Variants in GPHN observed in about 807,000 individuals in gnomAD.
The protein encoded by GPHN is gephyrin.
GPHN carries 17 observed loss-of-function variants against 95.5 expected under a neutral mutation model. The ratio of observed to expected loss-of-function variants is 0.18; its 90% CI spans 0.12 to 0.27. The LOEUF is 0.27. GPHN is among the 10% of genes least tolerant of loss of function. The pLI is 1.00. For missense variants in GPHN, 660 were observed against 978.1 expected (o/e 0.67, Z 4.34); for synonymous variants, 320 against 322.5 (o/e 0.99, Z 0.08).
the GPHN span, among the ~76,000 whole-genome samples, chr14:67,664,761 C>T: frequency 6.6e-6 from 1 of 152,138 alleles, no homozygotes; most frequent in Non-Finnish European, 1.5e-5. Flanking sequence ...AGCCTTTCCG[C>T]TGCAAAAGAG....
At chr14:67,332,799 T>C in the GPHN span, 55 of 1,611,226 alleles carry the variant, frequency 3.4e-5, no homozygotes, top group Non-Finnish European at 4.4e-5. Flanking sequence ...TTGAGAGAAA[T>C]CATTGAGAAG....
chr14:67,347,174 G>A, the GPHN span, among the ~76,000 whole-genome samples: 1 of 152,042 alleles, frequency 6.6e-6, no homozygotes, highest in Non-Finnish European at 1.5e-5. Context: ...TTGTAGAGAT[G>A]GAGATTTGCC....
At chr14:66,540,367 G>A (rs1192007727) in intron 1 of GPHN, among the ~76,000 whole-genome samples, 1 of 152,220 alleles carries the variant, frequency 6.6e-6, no homozygotes, top group Non-Finnish European at 1.5e-5. Context: ...TTACTCTTAT[G>A]GGAGTGCTGT....
chr14:67,476,646 T>C, the GPHN span, among the ~76,000 whole-genome samples: 6 of 152,250 alleles, frequency 3.9e-5, no homozygotes, highest in African/African-American at 1.4e-4. Flanking sequence ...AAAATTTTAC[T>C]CCCATTTTTT....
intron 2 of GPHN, among the ~76,000 whole-genome samples, chr14:66,701,238 T>A (rs938278226): frequency 6.1e-5 from 9 of 148,316 alleles, no homozygotes; most frequent in Non-Finnish European, 1.5e-5. Context: ...CAAAAATGTA[T>A]ACTGTTGTGC....
chr14:67,222,156 C>T, the GPHN span: 1 of 232,464 alleles, frequency 4.3e-6, no homozygotes, highest in African/African-American at 2.3e-5. Flanking sequence ...AATCATAGGA[C>T]CTGCCATCCT....
chr14:67,198,736 G>A, the GPHN span, among the ~76,000 whole-genome samples: 1 of 152,114 alleles, frequency 6.6e-6, no homozygotes, highest in African/African-American at 2.4e-5. Context: ...GATGGTGTCG[G>A]GGAGAAAAGC....
chr14:66,730,532 C>CA (rs1269317522), intron 2 of GPHN, among the ~76,000 whole-genome samples: 1 of 151,870 alleles, frequency 6.6e-6, no homozygotes, highest in African/African-American at 2.4e-5. Context: ...TGTGGATAGA[C>CA]AAAAAAGTTA....
chr14:67,016,389 T>C (rs2153620992), intron 9 of GPHN, among the ~76,000 whole-genome samples: 1 of 152,192 alleles, frequency 6.6e-6, no homozygotes, highest in South Asian at 2.1e-4. Flanking sequence ...ATCTAATAAC[T>C]ACTATAATTT....
the GPHN span, among the ~76,000 whole-genome samples, chr14:67,311,814 A>G: frequency 1.3e-5 from 2 of 152,254 alleles, no homozygotes; most frequent in Admixed American, 1.3e-4. Flanking sequence ...CAAAGCCTAC[A>G]TAGCATACAA....
intron 1 of GPHN, among the ~76,000 whole-genome samples, chr14:66,662,530 A>G (rs1370069999): frequency 6.6e-6 from 1 of 152,212 alleles, no homozygotes; most frequent in Non-Finnish European, 1.5e-5. Context: ...AATCAGCACA[A>G]GAACGCTGAA....
chr14:67,348,668 C>T, the GPHN span, among the ~76,000 whole-genome samples: 4 of 150,776 alleles, frequency 2.7e-5, no homozygotes, highest in Admixed American at 6.6e-5. Context: ...GCTACAGGCG[C>T]GTGCCACCAA....
chr14:66,785,157 C>T (rs2059729201), intron 3 of GPHN, among the ~76,000 whole-genome samples: 2 of 152,090 alleles, frequency 1.3e-5, no homozygotes, highest in Non-Finnish European at 2.9e-5. Flanking sequence ...CACCTGAGGT[C>T]GGGAGTTCTA....
At chr14:67,693,527 A>C in the GPHN span, among the ~76,000 whole-genome samples, 8 of 151,042 alleles carry the variant, frequency 5.3e-5, no homozygotes, top group East Asian at 1.2e-3. Context: ...GAAAAAAAAA[A>C]CACACCCACA....
At chr14:66,758,786 G>T (rs1466731495) in intron 2 of GPHN, among the ~76,000 whole-genome samples, 1 of 152,100 alleles carries the variant, frequency 6.6e-6, no homozygotes, top group Non-Finnish European at 1.5e-5. Flanking sequence ...CAGGATAATT[G>T]CCCAGAACTA....
At chr14:67,589,451 CAG>C in the GPHN span, 1 of 985,256 alleles carries the variant, frequency 1.0e-6, no homozygotes, top group African/African-American at 1.7e-5. Flanking sequence ...TGCTGAGTAA[CAG>C]AAAAGTATTA....
chr14:67,386,142 CCT>C, the GPHN span: 4 of 152,534 alleles, frequency 2.6e-5, no homozygotes, highest in Non-Finnish European at 5.9e-5. Flanking sequence ...CAGATGAACA[CCT>C]ATCGATATTC....
At chr14:67,483,047 G>T in the GPHN span, among the ~76,000 whole-genome samples, 1 of 152,080 alleles carries the variant, frequency 6.6e-6, no homozygotes, top group African/African-American at 2.4e-5. Context: ...GTCTCACTTT[G>T]TCACCCAGGC....
chr14:67,066,553 T>A (rs190433820), intron 11 of GPHN, among the ~76,000 whole-genome samples: 5 of 152,318 alleles, frequency 3.3e-5, no homozygotes, highest in African/African-American at 1.2e-4. Flanking sequence ...TCCCTATCAC[T>A]TTGAAGTACA....
Sources: allele counts gnomAD v4.1 joint callset (sites outside exome capture counted in the v4.1 genomes callset), GRCh38; gene constraint gnomAD v4.1.1; transcripts MANE v1.5; gene names NCBI Gene and HGNC (gene_info 2026-07-23, HGNC 2026-07-21).